Variants in SRPK1 observed in about 807,000 individuals in gnomAD.
SRPK1 encodes the protein SRSF protein kinase 1, also known as SFRS protein kinase 1.
SRPK1 carries 52 observed loss-of-function variants against 89.5 expected under a neutral mutation model. That is an observed-to-expected ratio of 0.58 (90% CI 0.46 to 0.73). The LOEUF (loss-of-function observed/expected upper bound fraction) is 0.73, where lower values mean the gene tolerates loss of function less well. Ranked by LOEUF, SRPK1 falls within the 30% of genes least tolerant of loss-of-function variation. The probability of loss-of-function intolerance (pLI) is 0.00; values close to 1 mark genes in which losing one functional copy is unlikely to be tolerated. For synonymous variants in SRPK1, 255 were observed against 270.2 expected (o/e 0.94, Z 0.55); for missense variants, 603 against 780.6 (o/e 0.77, Z 2.71).
chr6:35,890,735 A>G (rs1770501567), intron 3 of SRPK1, among the ~76,000 whole-genome samples, 160 bp downstream of exon 3: 1 of 152,202 alleles, frequency 6.6e-6, no homozygotes. Context: ...GCTTTGATAA[A>G]TTAAGTCAGA....
intron 6 of SRPK1, among the ~76,000 whole-genome samples, chr6:35,886,477 A>G (rs1770412165): frequency 6.6e-6 from 1 of 152,212 alleles, no homozygotes; most frequent in Non-Finnish European, 1.5e-5. Context: ...CGCATTTTCT[A>G]AAAGTTTCCT....
rs547496969 is a variant in SRPK1 at position 35,876,685 on chromosome 6, C to G, written c.479-2346G>C. Reference sequence around the variant, plus strand: ...ACCCCAGCACCTATCAAGTTTTCTGCTTTAGCCAAGATGGAGTAACAGGCA... The same window carrying G: ...ACCCCAGCACCTATCAAGTTTTCTGGTTTAGCCAAGATGGAGTAACAGGCA... On this transcript the variant is annotated intron_variant, in intron 6 of 15. Coordinates refer to ENST00000373825, the MANE Select transcript of SRPK1 (RefSeq NM_003137.5). 1.7e-3 allele frequency among the ~76,000 whole-genome samples: 262 copies of G among 152,222 alleles called. 1 individual carries two copies. The highest frequency in any genetic ancestry group is 2.4e-3 in the Non-Finnish European group (163 of 67,992).
chr6:35,897,599 T>C (rs1296675683), intron 2 of SRPK1, among the ~76,000 whole-genome samples: 1 of 152,150 alleles, frequency 6.6e-6, no homozygotes, highest in Non-Finnish European at 1.5e-5. Flanking sequence ...CCTCCAGCCT[T>C]GTCCTCCTCA....
At chr6:35,847,283 G>T (rs1242451844) in intron 13 of SRPK1, among the ~76,000 whole-genome samples, 1 of 152,110 alleles carries the variant, frequency 6.6e-6, no homozygotes, top group East Asian at 1.9e-4. Context: ...CATGGCTTGC[G>T]GTAGCCTCAA....
Position 35,869,095 on chromosome 6 carries a change from C to A in SRPK1, c.1427G>T (p.Gly476Val), listed in dbSNP as rs758571827. 6.2e-7 allele frequency: 1 copy of A among 1,613,486 alleles called. No individual in the cohort carries two copies. Among genetic ancestry groups the A allele is most frequent in the Non-Finnish European group, 8.5e-7 (1 of 1,179,718 alleles). The change falls in exon 12 of 16, where the codon GGA becomes GTA. Residue 476 changes from glycine to valine, a missense_variant. Gly to Val is a moderately radical substitution (Grantham distance 109). Coordinates refer to ENST00000373825, the MANE Select transcript of SRPK1 (RefSeq NM_003137.5). ...PLDNKGKSTA[G>V]NFLVNPLEPK... ...CTCAAGGGGATTAACAAGAAAATTT[C>A]CAGCCGTGGATTTTCCTACAGACAA...
At chr6:35,912,181 AAAAAAAT>A (rs1554157778) in intron 2 of SRPK1, among the ~76,000 whole-genome samples, 1 of 151,960 alleles carries the variant, frequency 6.6e-6, no homozygotes, top group South Asian at 2.1e-4. Context: ...TAAAAAAAAT[AAAAAAAT>A]AAAAAATAAA....
chr6:35,851,605 CAG>C (rs1315170312), intron 13 of SRPK1, among the ~76,000 whole-genome samples: 1 of 152,094 alleles, frequency 6.6e-6, no homozygotes, highest in Non-Finnish European at 1.5e-5. Flanking sequence ...GCTGGGTGAA[CAG>C]GGGGATAATT....
intron 13 of SRPK1, among the ~76,000 whole-genome samples, chr6:35,850,793 C>A (rs1769537790): frequency 6.6e-6 from 1 of 151,886 alleles, no homozygotes; most frequent in African/African-American, 2.4e-5. Flanking sequence ...TTCTATGTGA[C>A]AAAGAAAAGT....
rs1011491182 is a variant in SRPK1 at position 35,846,172 on chromosome 6, C to T, written c.1621-3568G>A. On this transcript the variant is annotated intron_variant, in intron 13 of 15. Transcript: ENST00000373825. Reference sequence around the variant, plus strand: ...AGGTAGGGTGGCTTACACCTGTAGTCCCAGCACTTTGGGAGGCCAAGACGG... The same window carrying T: ...AGGTAGGGTGGCTTACACCTGTAGTTCCAGCACTTTGGGAGGCCAAGACGG... 5.3e-5 allele frequency among the ~76,000 whole-genome samples: 8 copies of T among 152,188 alleles called. No homozygotes were observed. The East Asian group carries it at 1.5e-3, about 29-fold the overall frequency.
intron 11 of SRPK1, 135 bp downstream of exon 11, chr6:35,869,347 G>T: frequency 9.0e-7 from 1 of 1,112,946 alleles, no homozygotes; most frequent in East Asian, 2.4e-5. Context: ...GTTAGCTACA[G>T]ATTACAATTT....
At chr6:35,868,818 G>C (rs995058982) in intron 12 of SRPK1, among the ~76,000 whole-genome samples, 192 bp downstream of exon 12, 8 of 152,086 alleles carry the variant, frequency 5.3e-5, no homozygotes, top group African/African-American at 1.4e-4. Flanking sequence ...TCATGATCAC[G>C]ATTACCATTC....
chr6:35,860,200 T>C (rs978682881), intron 12 of SRPK1, among the ~76,000 whole-genome samples: 1 of 152,150 alleles, frequency 6.6e-6, no homozygotes, highest in Non-Finnish European at 1.5e-5. Context: ...TTTGAATGTT[T>C]GTCCCCTTTG....
chr6:35,835,337 G>A lies in SRPK1; in HGVS notation c.1935C>T (p.Ala645=), dbSNP rs369528818. The A allele has an allele frequency of 4.1e-4, 664 of 1,613,604 alleles. No individual in the cohort carries two copies. Among genetic ancestry groups the A allele is most frequent in the Non-Finnish European group, 5.3e-4 (628 of 1,179,818 alleles). The change falls in exon 16 of 16, where the codon GCC becomes GCT. Residue 645 remains alanine, a synonymous_variant. Coordinates refer to ENST00000373825, the MANE Select transcript of SRPK1 (RefSeq NM_003137.5). ...TAAGCCAAGGGTGCCGGAGACACTC[G>A]GCGGCAGTGGCTCTCTTCTCAGGGA... ...ELIPEKRATA[A]ECLRHPWLNS
At chr6:35,860,498 T>C (rs1031607239) in intron 12 of SRPK1, among the ~76,000 whole-genome samples, 1 of 152,064 alleles carries the variant, frequency 6.6e-6, no homozygotes, top group African/African-American at 2.4e-5. Flanking sequence ...GCCTGAAACA[T>C]GGTGTGGGCA....
intron 13 of SRPK1, among the ~76,000 whole-genome samples, chr6:35,845,829 T>G (rs1769414967): frequency 6.6e-6 from 1 of 152,262 alleles, no homozygotes; most frequent in Admixed American, 6.5e-5. Flanking sequence ...CTTGGCCTTC[T>G]GCAGAGATGC....
chr6:35,885,298 C>CACAG (rs1276672274), intron 6 of SRPK1, among the ~76,000 whole-genome samples: 1,657 of 113,024 alleles, frequency 0.015, 24 homozygotes, highest in African/African-American at 0.033. Context: ...CACACACACA[C>CACAG]AGAGAGAGAG....
At chr6:35,910,434 T>A (rs1417203792) in intron 2 of SRPK1, among the ~76,000 whole-genome samples, 1 of 151,980 alleles carries the variant, frequency 6.6e-6, no homozygotes, top group Non-Finnish European at 1.5e-5. Flanking sequence ...AGAAGAAAAA[T>A]TTGAAGGTAG....
chr6:35,888,677 G>C, intron 4 of SRPK1, 138 bp downstream of exon 4: 1 of 601,364 alleles, frequency 1.7e-6, no homozygotes, highest in East Asian at 2.7e-5. Flanking sequence ...CAAGAATACA[G>C]AGACTATTGC....
chr6:35,910,794 A>G (rs762120797), intron 2 of SRPK1, among the ~76,000 whole-genome samples: 1 of 152,204 alleles, frequency 6.6e-6, no homozygotes, highest in Non-Finnish European at 1.5e-5. Context: ...ATTATGCTAA[A>G]TCTACTCTGC....
Sources: gnomAD v4.1 joint callset for allele counts (sites outside exome capture counted in the v4.1 genomes callset) on GRCh38, gnomAD v4.1.1 for gene constraint, MANE v1.5 for transcripts, NCBI Gene and HGNC (gene_info 2026-07-23, HGNC 2026-07-21) for gene names.